Variants in PDLIM5 observed in about 807,000 individuals in gnomAD.
PDLIM5 encodes PDZ and LIM domain protein 5.
Under a neutral mutation model 64.2 loss-of-function variants are expected in PDLIM5, and 34 were observed. The ratio of observed to expected loss-of-function variants is 0.53; its 90% CI spans 0.40 to 0.71. The LOEUF is 0.71. Ranked by LOEUF, PDLIM5 falls within the 30% of genes least tolerant of loss-of-function variation. The probability of loss-of-function intolerance (pLI) is 0.00; values close to 1 mark genes in which losing one functional copy is unlikely to be tolerated. For synonymous variants in PDLIM5, 253 were observed against 269.1 expected, an observed-to-expected ratio of 0.94 and a Z score of 0.59; for missense variants, 683 against 733.6, an observed-to-expected ratio of 0.93 and a Z score of 0.80.
chr4:94,640,499 G>T, intron 9 of PDLIM5, 49 bp downstream of exon 9: 2 of 1,066,772 alleles, frequency 1.9e-6, no homozygotes, highest in South Asian at 1.7e-5. Flanking sequence ...ATCAATGTTG[G>T]GTTTTTTTTT....
intron 9 of PDLIM5, among the ~76,000 whole-genome samples, chr4:94,651,358 C>G (rs72667653): frequency 2.6e-5 from 4 of 152,208 alleles, no homozygotes; most frequent in Non-Finnish European, 5.9e-5. Flanking sequence ...TCTTTACTGT[C>G]TAAAATTCCT....
chr4:94,452,174 G>C (rs756824426), intron 1 of PDLIM5, among the ~76,000 whole-genome samples, 179 bp downstream of exon 1: 3 of 152,150 alleles, frequency 2.0e-5, no homozygotes, highest in Admixed American at 6.5e-5. Flanking sequence ...AGGTGGGAGA[G>C]CAGCTTGGGA....
intron 7 of PDLIM5, among the ~76,000 whole-genome samples, chr4:94,589,320 T>C (rs1379048446): frequency 1.3e-5 from 2 of 152,186 alleles, no homozygotes; most frequent in Admixed American, 6.5e-5. Context: ...AGTTACAACT[T>C]AAAACAGATG....
intron 8 of PDLIM5, among the ~76,000 whole-genome samples, chr4:94,637,392 C>T (rs956930985): frequency 5.9e-5 from 9 of 152,070 alleles, no homozygotes; most frequent in Non-Finnish European, 1.0e-4. Flanking sequence ...AACCTCATCT[C>T]TACTAAAAAT....
Position 94,665,542 on chromosome 4 carries a change from G to C in PDLIM5, c.*1475G>C. The C allele has an allele frequency of 1.1e-6, 1 of 914,158 alleles. No individual in the cohort carries two copies. The highest frequency in any genetic ancestry group is 1.3e-6 in the Non-Finnish European group (1 of 769,706). The allele number at this position is 914,158 out of a possible 1,614,324, so 56.6% of individuals were successfully genotyped here. A position where few individuals can be genotyped will look rare whatever the true frequency, so the allele number is the denominator to read the frequency against. ...GAATAAATAGAAAAGAATGTGGCTG[G>C]GAATTGTGAATCAGAAGATTATACC... On this transcript the variant is annotated 3_prime_UTR_variant, in exon 13 of 13. Coordinates refer to ENST00000317968, the MANE Select transcript of PDLIM5 (RefSeq NM_006457.5).
At chr4:94,515,318 T>A (rs914164558) in intron 2 of PDLIM5, among the ~76,000 whole-genome samples, 1 of 152,208 alleles carries the variant, frequency 6.6e-6, no homozygotes, top group African/African-American at 2.4e-5. Context: ...ATGTTAATGA[T>A]TAACATTTTG....
chr4:94,622,815 TGCCTGCCACCAC>T (rs1406116373), intron 8 of PDLIM5, among the ~76,000 whole-genome samples: 13 of 152,070 alleles, frequency 8.5e-5, no homozygotes, highest in South Asian at 2.1e-4. Flanking sequence ...GGACTACAGG[TGCCTGCCACCAC>T]ACCCAGCTAA....
At chr4:94,505,575 A>G (rs1204648808) in intron 2 of PDLIM5, among the ~76,000 whole-genome samples, 1 of 152,006 alleles carries the variant, frequency 6.6e-6, no homozygotes, top group Non-Finnish European at 1.5e-5. Flanking sequence ...AGTCACCTAT[A>G]TTTCTGATCA....
intron 8 of PDLIM5, among the ~76,000 whole-genome samples, chr4:94,639,974 C>T (rs1255226233): frequency 6.6e-6 from 1 of 151,922 alleles, no homozygotes; most frequent in East Asian, 1.9e-4. Flanking sequence ...ATGCAGTGAG[C>T]CGAGATCATG....
intron 3 of PDLIM5, among the ~76,000 whole-genome samples, chr4:94,547,626 C>G (rs1732439040): frequency 6.6e-6 from 1 of 152,150 alleles, no homozygotes; most frequent in Admixed American, 6.6e-5. Flanking sequence ...ACAGGGACAT[C>G]TTTGGGAAGC....
chr4:94,579,927 G>T (rs368809780), intron 5 of PDLIM5, among the ~76,000 whole-genome samples: 1 of 152,080 alleles, frequency 6.6e-6, no homozygotes, highest in African/African-American at 2.4e-5. Context: ...AAAAGCTGAT[G>T]GTAAAGTCTC....
At chr4:94,498,912 C>G (rs567685217) in intron 2 of PDLIM5, among the ~76,000 whole-genome samples, 50 of 152,180 alleles carry the variant, frequency 3.3e-4, no homozygotes, top group African/African-American at 1.1e-3. Flanking sequence ...ATATTTTATT[C>G]TCATTTAGCA....
intron 9 of PDLIM5, among the ~76,000 whole-genome samples, chr4:94,644,258 A>G (rs1741228690): frequency 6.6e-6 from 1 of 152,216 alleles, no homozygotes; most frequent in South Asian, 2.1e-4. Context: ...TAGAGAAGTT[A>G]CGTATTTGTT....
rs183910472 is a variant in PDLIM5, at chr4:94,457,149, C to T, written c.96+1765C>T. 2.9e-3 allele frequency: 2,761 copies of T among 956,576 alleles called. 7 individuals carry two copies. Among genetic ancestry groups the T allele is most frequent in the Non-Finnish European group, 3.0e-3 (2,415 of 803,752 alleles). 59.3% of individuals were successfully genotyped at this position (956,576 alleles called of 1,614,324 possible). A position where few individuals can be genotyped will look rare whatever the true frequency, so the allele number is the denominator to read the frequency against. ...TGAAAGATTAAAAATAAGTTTGTAA[C>T]GCCTAAATATCCTTATTAAAATACT... On this transcript the variant is annotated intron_variant, in intron 2 of 12. Coordinates refer to ENST00000317968, the MANE Select transcript of PDLIM5 (RefSeq NM_006457.5).
chr4:94,587,086 A>T (rs373227250), intron 7 of PDLIM5: 26 of 1,604,554 alleles, frequency 1.6e-5, no homozygotes, highest in Non-Finnish European at 2.1e-5. Context: ...ACAGTGATTT[A>T]TGAGCCTTGC....
chr4:94,486,944 A>G (rs979310544), intron 2 of PDLIM5, among the ~76,000 whole-genome samples: 1 of 152,138 alleles, frequency 6.6e-6, no homozygotes, highest in Non-Finnish European at 1.5e-5. Flanking sequence ...TCAAGGCTGC[A>G]GTGAGCTATA....
chr4:94,520,831 T>A (rs1349752190), intron 2 of PDLIM5, among the ~76,000 whole-genome samples: 1 of 152,220 alleles, frequency 6.6e-6, no homozygotes, highest in Non-Finnish European at 1.5e-5. Context: ...TGATTAATAT[T>A]ACCAGGCTGA....
chr4:94,615,994 CTCTTT>C (rs1361912804), intron 7 of PDLIM5, among the ~76,000 whole-genome samples: 1 of 152,156 alleles, frequency 6.6e-6, no homozygotes, highest in African/African-American at 2.4e-5. Flanking sequence ...CTGAATTCCT[CTCTTT>C]TAAGTCAGTT....
At chr4:94,607,978 A>G in intron 7 of PDLIM5, 1 of 945,502 alleles carries the variant, frequency 1.1e-6, no homozygotes, top group South Asian at 2.0e-5. Context: ...GACATTTAAA[A>G]GATGGTATAG....
Sources: allele counts gnomAD v4.1 joint callset (sites outside exome capture counted in the v4.1 genomes callset), GRCh38; gene constraint gnomAD v4.1.1; transcripts MANE v1.5; gene names NCBI Gene and HGNC (gene_info 2026-07-23, HGNC 2026-07-21).